The following B3GALT1 variants were observed in gnomAD, a reference collection of about 807,000 sequenced individuals.
The protein encoded by B3GALT1 is beta-1,3-galactosyltransferase 1.
B3GALT1 carries 10 observed loss-of-function variants against 23.2 expected under a neutral mutation model. That is an observed-to-expected ratio of 0.43 (90% CI 0.27 to 0.73). B3GALT1 has a LOEUF of 0.73. Among genes scored for constraint, B3GALT1 ranks in the 30% least tolerant of loss-of-function variants. The pLI, the probability that B3GALT1 is intolerant of heterozygous loss-of-function variation, is 0.21. For missense variants in B3GALT1, 299 were observed against 405.4 expected, an observed-to-expected ratio of 0.74 and a Z score of 2.25; for synonymous variants, 156 against 141.5, an observed-to-expected ratio of 1.10 and a Z score of -0.73.
chr2:167,453,204 A>G (rs929110621), intron 1 of B3GALT1, among the ~76,000 whole-genome samples: 3 of 152,170 alleles, frequency 2.0e-5, no homozygotes, highest in Admixed American at 2.0e-4. Flanking sequence ...GCACACCTTC[A>G]CTATAAGATA....
intron 4 of B3GALT1, among the ~76,000 whole-genome samples, chr2:167,866,290 C>G (rs1259809410): frequency 1.3e-5 from 2 of 152,208 alleles, no homozygotes; most frequent in African/African-American, 2.4e-5. Context: ...TAACCTTGTT[C>G]TCCCACATTC....
intron 3 of B3GALT1, among the ~76,000 whole-genome samples, chr2:167,759,382 A>G (rs1280706664): frequency 6.6e-6 from 1 of 152,220 alleles, no homozygotes; most frequent in East Asian, 1.9e-4. Context: ...GAACCGCTAC[A>G]TAGTCTGATG....
Position 167,388,069 on chromosome 2 carries a change from G to A in B3GALT1, c.-511+94735G>A, listed in dbSNP as rs77375528. Among the ~76,000 whole-genome samples, 1,284 of 152,140 alleles carry A rather than the reference G, an allele frequency of 8.4e-3. 15 individuals carry two copies. Among genetic ancestry groups the A allele is most frequent in the African/African-American group, 0.029 (1,221 of 41,488 alleles). On this transcript the variant is annotated intron_variant, in intron 1 of 4. Transcript: ENST00000392690. ...TGGGCAGAGAGATAGCTTTCCTGTC[G>A]GCAGCATTAAATATCATTTCTCTAA...
chr2:167,616,091 A>C (rs988993309), intron 2 of B3GALT1, among the ~76,000 whole-genome samples: 1 of 133,166 alleles, frequency 7.5e-6, no homozygotes, highest in Admixed American at 8.0e-5. Flanking sequence ...AAAAAAGAAG[A>C]AGGGAATACT....
chr2:167,581,956 G>A (rs1479826604), intron 2 of B3GALT1, among the ~76,000 whole-genome samples: 1 of 152,132 alleles, frequency 6.6e-6, no homozygotes, highest in African/African-American at 2.4e-5. Context: ...GTGCATATGT[G>A]TACTGGTGAA....
intron 2 of B3GALT1, among the ~76,000 whole-genome samples, chr2:167,571,703 C>G (rs1349909062): frequency 1.3e-5 from 2 of 151,944 alleles, no homozygotes; most frequent in South Asian, 2.1e-4. Flanking sequence ...ACTAGCAGTT[C>G]TAGTAAGCCA....
At chr2:167,419,211 C>A (rs1333856727) in intron 1 of B3GALT1, among the ~76,000 whole-genome samples, 1 of 152,116 alleles carries the variant, frequency 6.6e-6, no homozygotes, top group Admixed American at 6.6e-5. Context: ...TAGAATTTAA[C>A]CTGTTGAGAA....
chr2:167,596,376 G>T (rs1391583648), intron 2 of B3GALT1, among the ~76,000 whole-genome samples: 1 of 152,184 alleles, frequency 6.6e-6, no homozygotes, highest in Non-Finnish European at 1.5e-5. Flanking sequence ...GAGGCAGTGT[G>T]CTGTAGTTGA....
intron 1 of B3GALT1, among the ~76,000 whole-genome samples, chr2:167,313,123 A>C (rs1174390034): frequency 6.6e-6 from 1 of 152,142 alleles, no homozygotes; most frequent in Non-Finnish European, 1.5e-5. Flanking sequence ...CAGATGCTAC[A>C]ACAACTTGGA....
chr2:167,830,298 C>T (rs890732715), intron 4 of B3GALT1, among the ~76,000 whole-genome samples: 4 of 151,298 alleles, frequency 2.6e-5, no homozygotes, highest in African/African-American at 7.3e-5. Flanking sequence ...GCAGGCTGTG[C>T]GGCAAACATA....
chr2:167,574,471 G>C (rs1289075640), intron 2 of B3GALT1, among the ~76,000 whole-genome samples: 2 of 151,600 alleles, frequency 1.3e-5, no homozygotes, highest in Admixed American at 6.6e-5. Context: ...CATGAGGATC[G>C]CCCAGTTGAT....
chr2:167,335,209 A>AG (rs1255764493), intron 1 of B3GALT1, among the ~76,000 whole-genome samples: 5 of 150,532 alleles, frequency 3.3e-5, no homozygotes, highest in African/African-American at 9.8e-5. Flanking sequence ...GTGGGCGGGG[A>AG]GGGGGGAGCG....
chr2:167,489,979 A>T (rs1326841938), intron 1 of B3GALT1, among the ~76,000 whole-genome samples, 198 bp from the exon 2 acceptor site: 1 of 152,190 alleles, frequency 6.6e-6, no homozygotes, highest in Admixed American at 6.5e-5. Context: ...GGAGGAGATT[A>T]TAATGATATA....
chr2:167,479,204 T>C (rs1699529363), intron 1 of B3GALT1, among the ~76,000 whole-genome samples: 1 of 152,078 alleles, frequency 6.6e-6, no homozygotes, highest in Non-Finnish European at 1.5e-5. Flanking sequence ...TTGATATTAG[T>C]GTATAGGTAG....
intron 1 of B3GALT1, among the ~76,000 whole-genome samples, chr2:167,449,920 C>A (rs1699061603): frequency 6.6e-6 from 1 of 152,160 alleles, no homozygotes; most frequent in Non-Finnish European, 1.5e-5. Flanking sequence ...GTTAAACCAT[C>A]CCTGCATTCC....
At chr2:167,381,766 G>T (rs541420544) in intron 1 of B3GALT1, among the ~76,000 whole-genome samples, 2 of 152,318 alleles carry the variant, frequency 1.3e-5, no homozygotes, top group African/African-American at 4.8e-5. Flanking sequence ...AGTAATACCA[G>T]CTGTTAACTG....
At chr2:167,440,360 AAAAAG>A (rs965260393) in intron 1 of B3GALT1, among the ~76,000 whole-genome samples, 18 of 151,848 alleles carry the variant, frequency 1.2e-4, no homozygotes, top group African/African-American at 4.1e-4. Flanking sequence ...AAAAAAAAAA[AAAAAG>A]AAATAATTTA....
At chr2:167,676,588 G>A (rs1474383987) in intron 3 of B3GALT1, among the ~76,000 whole-genome samples, 1 of 151,606 alleles carries the variant, frequency 6.6e-6, no homozygotes, top group East Asian at 1.9e-4. Flanking sequence ...TTGAGACAGA[G>A]CCTCGCTTTC....
intron 1 of B3GALT1, among the ~76,000 whole-genome samples, chr2:167,471,079 GAA>G (rs1699413225): frequency 1.3e-5 from 2 of 152,270 alleles, no homozygotes; most frequent in South Asian, 4.1e-4. Context: ...GGGGAAAAGT[GAA>G]GAAGAATCTG....
Sources: allele counts gnomAD v4.1 joint callset (sites outside exome capture counted in the v4.1 genomes callset), GRCh38; gene constraint gnomAD v4.1.1; transcripts MANE v1.5; gene names NCBI Gene and HGNC (gene_info 2026-07-23, HGNC 2026-07-21).